The following RBM20 variants were observed in gnomAD, a reference collection of about 807,000 sequenced individuals.
RBM20 encodes the protein RNA-binding protein 20.
A neutral mutation model predicts 110.1 loss-of-function variants in RBM20; 51 were observed. The observed-to-expected ratio is 0.46, with a 90% confidence interval of 0.37 to 0.59. The LOEUF (loss-of-function observed/expected upper bound fraction) is 0.59. Ranked by LOEUF, RBM20 falls within the 20% of genes least tolerant of loss-of-function variation. The probability of loss-of-function intolerance (pLI) is 0.00; values close to 1 mark genes in which losing one functional copy is unlikely to be tolerated. For synonymous variants in RBM20, 589 were observed against 618.2 expected, an observed-to-expected ratio of 0.95 and a Z score of 0.70; for missense variants, 1,512 against 1,574.9, an observed-to-expected ratio of 0.96 and a Z score of 0.68.
chr10:110,691,554 C>T (rs919272749), intron 1 of RBM20, among the ~76,000 whole-genome samples: 14 of 152,270 alleles, frequency 9.2e-5, no homozygotes, highest in Middle Eastern at 3.4e-3. Context: ...TTTTCATGTG[C>T]TTATTGGACA....
At chr10:110,776,983 G>C (rs1844273586) in intron 1 of RBM20, among the ~76,000 whole-genome samples, 1 of 152,146 alleles carries the variant, frequency 6.6e-6, no homozygotes, top group Admixed American at 6.5e-5. Context: ...AGCTGTTTGT[G>C]GGTTTTTCTC....
rs568797479 is a variant in RBM20 at position 110,698,082 on chromosome 10, G to A, written c.191+53437G>A. On this transcript the variant is annotated intron_variant, in intron 1 of 13. Transcript: ENST00000369519. ...ACCAACACGCCCGGCTAATTTTTTT[G>A]TATTTTTAGTAGAGACGGGGTTTTA... 1.2e-4 allele frequency among the ~76,000 whole-genome samples: 18 copies of A among 151,982 alleles called. No individual in the cohort carries two copies. In the South Asian group the frequency reaches 3.1e-3, roughly 26 times the overall value.
intron 12 of RBM20, 122 bp from the exon 13 acceptor site, chr10:110,830,939 G>C (rs1845042882): frequency 3.0e-6 from 3 of 995,652 alleles, no homozygotes; most frequent in Non-Finnish European, 4.4e-6. Context: ...AACCAGCCAA[G>C]GTCAACAGCA....
chr10:110,799,119 G>A (rs1844588819), intron 6 of RBM20, among the ~76,000 whole-genome samples: 1 of 152,174 alleles, frequency 6.6e-6, no homozygotes, highest in African/African-American at 2.4e-5. Context: ...GTGAGTTCCT[G>A]AATTTTTTTA....
chr10:110,805,532 T>A lies in RBM20; in HGVS notation c.1801-4851T>A, dbSNP rs117148819. On this transcript the variant is annotated intron_variant, in intron 7 of 13. Transcript: ENST00000369519. ...CTCCCTTCATGTTGGCCAAGCACTCTGTGACTTTTACGGGTGTAGCCTGCC... is the reference window on the plus strand; with the variant it reads ...CTCCCTTCATGTTGGCCAAGCACTCAGTGACTTTTACGGGTGTAGCCTGCC... 4.9e-4 allele frequency among the ~76,000 whole-genome samples: 75 copies of A among 152,358 alleles called. No individual in the cohort carries two copies. In the East Asian group the frequency reaches 0.01, roughly 20 times the overall value.
At chr10:110,679,389 A>G (rs1203059526) in intron 1 of RBM20, among the ~76,000 whole-genome samples, 4 of 151,842 alleles carry the variant, frequency 2.6e-5, no homozygotes, top group Non-Finnish European at 5.9e-5. Flanking sequence ...ATGCCCAGCT[A>G]ATTTTTATTT....
At chr10:110,767,792 C>T (rs1460615813) in intron 1 of RBM20, among the ~76,000 whole-genome samples, 1 of 152,172 alleles carries the variant, frequency 6.6e-6, no homozygotes, top group Non-Finnish European at 1.5e-5. Flanking sequence ...AGAGGCGCTC[C>T]TCACTTCCTA....
intron 1 of RBM20, among the ~76,000 whole-genome samples, chr10:110,656,072 A>G (rs943139896): frequency 1.3e-4 from 20 of 152,286 alleles, no homozygotes; most frequent in Middle Eastern, 3.4e-3. Flanking sequence ...AGGCCGAGGC[A>G]CGTGGATCAC....
chr10:110,665,035 C>G (rs1862156748), intron 1 of RBM20, among the ~76,000 whole-genome samples: 1 of 152,018 alleles, frequency 6.6e-6, no homozygotes, highest in African/African-American at 2.4e-5. Context: ...GTCACCATGC[C>G]TGGCTACTTT....
At chr10:110,705,482 T>C (rs949985553) in intron 1 of RBM20, among the ~76,000 whole-genome samples, 2 of 152,214 alleles carry the variant, frequency 1.3e-5, no homozygotes, top group Non-Finnish European at 2.9e-5. Context: ...ACTGCAGGGA[T>C]TGGAGATACA....
Position 110,717,636 on chromosome 10 carries a change from C to T in RBM20, c.192-63165C>T, listed in dbSNP as rs538700125. 7.9e-5 allele frequency among the ~76,000 whole-genome samples: 12 copies of T among 152,338 alleles called. No individual in the cohort carries two copies. In the South Asian group the frequency reaches 2.5e-3, roughly 32 times the overall value. Reference sequence around the variant, plus strand: ...GTTGACTGGTTGTGCGACATTGGGTCTCAGTTCAGATCTTGTTCACTTGTG... The same window carrying T: ...GTTGACTGGTTGTGCGACATTGGGTTTCAGTTCAGATCTTGTTCACTTGTG... On this transcript the variant is annotated intron_variant, in intron 1 of 13. Coordinates refer to ENST00000369519, the MANE Select transcript of RBM20 (RefSeq NM_001134363.3).
intron 5 of RBM20, among the ~76,000 whole-genome samples, chr10:110,788,460 C>T (rs1844447210): frequency 6.6e-6 from 1 of 152,222 alleles, no homozygotes; most frequent in Non-Finnish European, 1.5e-5. Context: ...ACCTCTGTGA[C>T]ATCTTGCTGG....
chr10:110,783,498 C>G, intron 3 of RBM20, 71 bp downstream of exon 3: 2 of 1,252,982 alleles, frequency 1.6e-6, no homozygotes. Flanking sequence ...TACTGTGTGT[C>G]ACACGCTGTT....
intron 1 of RBM20, among the ~76,000 whole-genome samples, chr10:110,709,590 G>C (rs1862892805): frequency 6.7e-6 from 1 of 149,308 alleles, no homozygotes; most frequent in Admixed American, 6.6e-5. Context: ...TAATTGGGAT[G>C]GGATCTTGCT....
intron 1 of RBM20, among the ~76,000 whole-genome samples, chr10:110,661,310 C>T (rs973711155): frequency 6.6e-6 from 1 of 152,168 alleles, no homozygotes; most frequent in African/African-American, 2.4e-5. Flanking sequence ...TCCCTGGGCA[C>T]CCGTGACTTG....
chr10:110,828,398 C>G (rs59755129), intron 12 of RBM20, among the ~76,000 whole-genome samples: 189 of 152,300 alleles, frequency 1.2e-3, no homozygotes, highest in African/African-American at 4.3e-3. Context: ...TTTCTCCTCC[C>G]CCAGGCTTCT....
intron 9 of RBM20, among the ~76,000 whole-genome samples, chr10:110,817,610 T>C (rs1844856641): frequency 6.6e-6 from 1 of 152,186 alleles, no homozygotes; most frequent in Admixed American, 6.5e-5. Context: ...GAAATGCTAA[T>C]CCAGTGATTT....
intron 1 of RBM20, among the ~76,000 whole-genome samples, chr10:110,670,470 C>A (rs1296323590): frequency 6.6e-6 from 1 of 152,136 alleles, no homozygotes; most frequent in Non-Finnish European, 1.5e-5. Context: ...TGTGAAAAGC[C>A]CCAGACATTG....
intron 7 of RBM20, among the ~76,000 whole-genome samples, chr10:110,809,637 C>A (rs1365075339): frequency 2.6e-5 from 4 of 152,176 alleles, no homozygotes; most frequent in Non-Finnish European, 5.9e-5. Context: ...GGAGCCCTGG[C>A]TGCCTACTAT....
Sources: allele counts gnomAD v4.1 joint callset (sites outside exome capture counted in the v4.1 genomes callset), GRCh38; gene constraint gnomAD v4.1.1; transcripts MANE v1.5; gene names NCBI Gene and HGNC (gene_info 2026-07-23, HGNC 2026-07-21).